Variants in SAMD8 observed in about 807,000 individuals in gnomAD.
The protein encoded by SAMD8 is sphingomyelin synthase-related protein 1.
Under a neutral mutation model 42.0 loss-of-function variants are expected in SAMD8, and 20 were observed. The ratio of observed to expected loss-of-function variants is 0.48; its 90% CI spans 0.34 to 0.69. SAMD8 has a LOEUF of 0.69. Among genes scored for constraint, SAMD8 ranks in the 30% least tolerant of loss-of-function variants. The probability of loss-of-function intolerance (pLI) is 0.01; values close to 1 mark genes in which losing one functional copy is unlikely to be tolerated. For missense variants in SAMD8, 328 were observed against 511.6 expected, an observed-to-expected ratio of 0.64 and a Z score of 3.46; for synonymous variants, 162 against 173.0, an observed-to-expected ratio of 0.94 and a Z score of 0.50.
At chr10:75,115,389 A>G (rs1289893890) in intron 1 of SAMD8, among the ~76,000 whole-genome samples, 2 of 152,162 alleles carry the variant, frequency 1.3e-5, no homozygotes, top group African/African-American at 2.4e-5. Flanking sequence ...TGTTAACTAA[A>G]AATAGGAGAG....
intron 1 of SAMD8, among the ~76,000 whole-genome samples, chr10:75,134,803 T>C (rs1849349748): frequency 6.6e-6 from 1 of 152,120 alleles, no homozygotes; most frequent in African/African-American, 2.4e-5. Context: ...ATGCCTGTAA[T>C]CTTAACACTT....
In SAMD8 at chr10:75,105,908, C is replaced by G. The variant is rs371878682; in HGVS notation, c.-16+6180C>G. 2.6e-6 allele frequency: 4 copies of G among 1,530,764 alleles called. No individual in the cohort carries two copies. The South Asian group carries it at 4.8e-5, about 18-fold the overall frequency. The allele number at this position is 1,530,764 out of a possible 1,614,324, so 94.8% of individuals were successfully genotyped here. On this transcript the variant is annotated intron_variant, in intron 1 of 3. Coordinates refer to the SAMD8 transcript ENST00000447533. ...CTGGTGAAAAACCCTGTCCCACACACCGGCCCACCCACGGGCTGGGATGGG... is the reference window on the plus strand; with the variant it reads ...CTGGTGAAAAACCCTGTCCCACACAGCGGCCCACCCACGGGCTGGGATGGG...
intron 1 of SAMD8, chr10:75,150,278 AATTT>A: frequency 5.2e-6 from 1 of 193,596 alleles, no homozygotes; most frequent in Non-Finnish European, 8.2e-6. Context: ...CCCAGGCTAA[AATTT>A]TTTTTTTTTT....
chr10:75,102,020 C>G, intron 1 of SAMD8: 2 of 1,268,460 alleles, frequency 1.6e-6, no homozygotes, highest in Non-Finnish European at 2.1e-6. Flanking sequence ...CTTCCAGCCT[C>G]CCCTGCCACT....
At chr10:75,119,495 CA>C (rs1222409004) in intron 1 of SAMD8, among the ~76,000 whole-genome samples, 6 of 152,144 alleles carry the variant, frequency 3.9e-5, no homozygotes, top group Non-Finnish European at 1.5e-5. Flanking sequence ...CAAGTTTTAT[CA>C]GTTGTGAATT....
chr10:75,155,286 T>C (rs1840384402), intron 2 of SAMD8, among the ~76,000 whole-genome samples: 1 of 151,848 alleles, frequency 6.6e-6, no homozygotes, highest in Admixed American at 6.6e-5. Flanking sequence ...GGAGGGAAAA[T>C]TAAGGGTTTG....
intron 1 of SAMD8, among the ~76,000 whole-genome samples, chr10:75,143,143 C>G (rs570043962): frequency 2.0e-5 from 3 of 152,262 alleles, no homozygotes; most frequent in African/African-American, 7.2e-5. Flanking sequence ...CTCGTCTTTA[C>G]TAAAAATACA....
Position 75,164,638 on chromosome 10 carries a change from G to A in SAMD8, c.579-7G>A. ...CTTCAATTCAAAATCATTTTTTTCT[G>A]TTCCAGCGTTCCTAGAATCCCATGG... On this transcript the variant is annotated splice_polypyrimidine_tract_variant and splice_region_variant and intron_variant, in intron 2 of 5. Coordinates refer to ENST00000542569, the MANE Select transcript of SAMD8 (RefSeq NM_001174156.2). The A allele has an allele frequency of 1.9e-6, 3 of 1,612,502 alleles. No individual in the cohort carries two copies. The highest frequency in any genetic ancestry group is 8.5e-7 in the Non-Finnish European group (1 of 1,179,220).
At chr10:75,146,272 CTTTTTTTTTTTT>C (rs202162176) in intron 1 of SAMD8, among the ~76,000 whole-genome samples, 6 of 68,142 alleles carry the variant, frequency 8.8e-5, no homozygotes, top group South Asian at 5.6e-4. Flanking sequence ...TGTCTTGACA[CTTTTTTTTTTTT>C]TTTTTTTTTT....
chr10:75,147,779 G>T (rs148541627), intron 1 of SAMD8, among the ~76,000 whole-genome samples: 52 of 152,234 alleles, frequency 3.4e-4, no homozygotes, highest in African/African-American at 1.1e-3. Flanking sequence ...TAGGGTGAAA[G>T]CATCTAGTTA....
rs60024591 is a variant in SAMD8 at position 75,148,346 on chromosome 10, C to CTTTTTTTTTTTTTTTT, written c.-15-2158_-15-2143dup. On this transcript the variant is annotated intron_variant, in intron 1 of 5. Transcript: ENST00000542569. ...GGGAAAGAATGCAGAGCAATACCAGCTTTTTTTTTTTTTTTTTTTTTTTTT... is the reference window on the plus strand; with the variant it reads ...GGGAAAGAATGCAGAGCAATACCAGCTTTTTTTTTTTTTTTTTTTTTTTTTTTTTTTTTTTTTTTTT... 2.1e-3 allele frequency among the ~76,000 whole-genome samples: 171 copies of CTTTTTTTTTTTTTTTT among 82,546 alleles called. 19 individuals carry two copies. The highest frequency in any genetic ancestry group is 6.6e-3 in the African/African-American group (101 of 15,308). 54.2% of individuals were successfully genotyped at this position (82,546 alleles called of 152,430 possible).
At chr10:75,128,578 G>C (rs1019288791) in intron 1 of SAMD8, among the ~76,000 whole-genome samples, 2 of 152,102 alleles carry the variant, frequency 1.3e-5, no homozygotes, top group African/African-American at 4.8e-5. Context: ...AATACATATG[G>C]TATTGTTCCA....
intron 2 of SAMD8, among the ~76,000 whole-genome samples, chr10:75,163,362 A>G (rs2395198): frequency 0.09 from 13,732 of 152,218 alleles, 689 homozygotes; most frequent in Middle Eastern, 0.14. Context: ...CTATTGGACT[A>G]TTTTGTTCGT....
intron 1 of SAMD8, among the ~76,000 whole-genome samples, chr10:75,136,008 A>C (rs375375083): frequency 6.6e-6 from 1 of 152,216 alleles, no homozygotes; most frequent in South Asian, 2.1e-4. Context: ...ATAAAACAAA[A>C]ATAACCTAAC....
rs1271306432 is a variant in SAMD8, at chr10:75,177,510, T to C, written c.*818T>C. The C allele has an allele frequency of 1.3e-5, 2 of 152,234 alleles. No homozygotes were observed. Among genetic ancestry groups the C allele is most frequent in the African/African-American group, 4.8e-5 (2 of 41,464 alleles). 9.4% of individuals were successfully genotyped at this position (152,234 alleles called of 1,614,324 possible). The stretch of plus-strand genomic sequence containing the variant: ...CTATAGTTGTTAGATGACAGTTCAA[T>C]TTTATGCTTTTTTAATGGTGTTATT... On this transcript the variant is annotated 3_prime_UTR_variant, in exon 6 of 6. Transcript: ENST00000542569.
At chr10:75,107,840 G>T (rs1337060081), upstream of SAMD8, among the ~76,000 whole-genome samples, 2 of 152,198 alleles carry the variant, frequency 1.3e-5, no homozygotes. Flanking sequence ...GCCTCCCAAA[G>T]TGCTAGGATT....
upstream of SAMD8, among the ~76,000 whole-genome samples, chr10:75,110,780 C>T (rs1380078881): frequency 6.6e-6 from 1 of 152,114 alleles, no homozygotes; most frequent in Non-Finnish European, 1.5e-5. Context: ...TGTTTCTTTA[C>T]TTTTCTGTGC....
chr10:75,103,992 C>T (rs191054422), intron 1 of SAMD8: 2 of 1,352,982 alleles, frequency 1.5e-6, no homozygotes, highest in Admixed American at 4.0e-5. Flanking sequence ...TGGGCTTCCA[C>T]CATCTTCTGT....
intron 2 of SAMD8, among the ~76,000 whole-genome samples, chr10:75,164,189 A>G (rs533112143): frequency 3.9e-5 from 6 of 152,262 alleles, no homozygotes; most frequent in Non-Finnish European, 5.9e-5. Flanking sequence ...CTGTACTGCA[A>G]CCTGGGTGAC....
Sources: gnomAD v4.1 joint callset for allele counts (sites outside exome capture counted in the v4.1 genomes callset) on GRCh38, gnomAD v4.1.1 for gene constraint, MANE v1.5 for transcripts, NCBI Gene and HGNC (gene_info 2026-07-23, HGNC 2026-07-21) for gene names.